RYR2: variants seen among roughly 807,000 people sequenced by gnomAD.
The protein encoded by RYR2 is cardiac muscle ryanodine receptor-calcium release channel.
A neutral mutation model predicts 601.1 loss-of-function variants in RYR2; 227 were observed. That is an observed-to-expected ratio of 0.38 (90% CI 0.34 to 0.42). The LOEUF is 0.42. RYR2 is among the 10% of genes least tolerant of loss of function. The probability of loss-of-function intolerance (pLI) is 1.00; values close to 1 mark genes in which losing one functional copy is unlikely to be tolerated. For missense variants in RYR2, 4,646 were observed against 6,156.5 expected (o/e 0.75, Z 8.21); for synonymous variants, 2,223 against 2,175.1 (o/e 1.02, Z -0.61).
intron 101 of RYR2, 136 bp from the exon 102 acceptor site, chr1:237,828,245 T>A: frequency 1.7e-6 from 1 of 575,616 alleles, no homozygotes; most frequent in Non-Finnish European, 3.2e-6. Flanking sequence ...GAGTATCGGA[T>A]ATGTAGTCAC....
At chr1:237,235,332 C>A (rs139687804) in intron 1 of RYR2, among the ~76,000 whole-genome samples, 7 of 152,174 alleles carry the variant, frequency 4.6e-5, no homozygotes, top group Non-Finnish European at 5.9e-5. Flanking sequence ...TCTAGCCTCT[C>A]GAGAGCAGCC....
At chr1:237,312,949 G>A (rs917034661) in intron 2 of RYR2, among the ~76,000 whole-genome samples, 3 of 151,964 alleles carry the variant, frequency 2.0e-5, no homozygotes, top group Non-Finnish European at 2.9e-5. Context: ...AAAACACCAA[G>A]ATAGACTGAA....
At chr1:237,578,701 TGCAGTTTTGA>T (rs1673545666) in intron 29 of RYR2, among the ~76,000 whole-genome samples, 1 of 77,104 alleles carries the variant, frequency 1.3e-5, no homozygotes, top group African/African-American at 5.2e-5. Context: ...TCACCCATTC[TGCAGTTTTGA>T]TAAGGTGGTG....
intron 80 of RYR2, 92 bp downstream of exon 80, chr1:237,742,441 C>G: frequency 1.1e-6 from 1 of 891,708 alleles, no homozygotes; most frequent in Non-Finnish European, 1.8e-6. Context: ...TGCTTCATGG[C>G]TTATTGCAGC....
chr1:237,262,244 A>ATTTTTTTTT (rs1688596732), intron 1 of RYR2, among the ~76,000 whole-genome samples: 5 of 35,516 alleles, frequency 1.4e-4, no homozygotes, highest in Non-Finnish European at 2.3e-4. Flanking sequence ...TGTTCTAAAG[A>ATTTTTTTTT]GTTTTTTTTT....
In RYR2 at chr1:237,778,765, T is replaced by C; in HGVS notation, c.11875T>C (p.Ser3959Pro). 1 of 1,581,546 alleles carries C rather than the reference T, an allele frequency of 6.3e-7. No homozygotes were observed. The highest frequency in any genetic ancestry group is 1.3e-5 in the African/African-American group (1 of 74,396). Residue 3959 changes from serine to proline, a missense_variant, in exon 88 of 105, where the codon TCG becomes CCG. By Grantham distance (74) the Ser-to-Pro change is moderately conservative. Around this residue, in one of 17 missense-constraint regions of RYR2, gnomAD observed 90 missense variants for 213.3 expected, o/e 0.42. Transcript: ENST00000366574. ...GTTTGCCCATATGCAGATGAAGCTGTCGCAGGTAAACTAACTAACTGCCTT... is the reference window on the plus strand; with the variant it reads ...GTTTGCCCATATGCAGATGAAGCTGCCGCAGGTAAACTAACTAACTGCCTT... ...HVFAHMQMKL[S>P]QDSSQIELLK... is the part of the protein sequence containing the mutation.
intron 1 of RYR2, among the ~76,000 whole-genome samples, chr1:237,155,790 C>T (rs1307559255): frequency 1.3e-5 from 2 of 152,066 alleles, no homozygotes; most frequent in African/African-American, 4.8e-5. Context: ...AAGTTGAATT[C>T]AGAATCTCTT....
In RYR2 at chr1:237,620,135, A is replaced by T. The variant is rs78769466; in HGVS notation, c.5916+2649A>T. Among the ~76,000 whole-genome samples, 83 of 152,296 alleles carry T rather than the reference A, an allele frequency of 5.4e-4. No homozygotes were observed. In the East Asian group the frequency reaches 0.012, roughly 22 times the overall value. On this transcript the variant is annotated intron_variant, in intron 38 of 104. Coordinates refer to ENST00000366574, the MANE Select transcript of RYR2 (RefSeq NM_001035.3). ...AATCATAAAACTGATGTGTTTCTAA[A>T]TATATGTATAGGGAATATTTAAAAA... is the stretch of plus-strand genomic sequence containing the variant.
Position 237,784,339 on chromosome 1 carries a change from G to C in RYR2, c.12627G>C (p.Ser4209=), listed in dbSNP as rs3753631. 6.2e-7 allele frequency: 1 copy of C among 1,613,876 alleles called. No homozygotes were observed. ...AGCTGGCGGCTCAGATCTCGGAGTC[G>C]GACTTGAACGAGAGGTCAGCGAATA... ...EMQLAAQISE[S]DLNERSANKE... The change falls in exon 90 of 105, where the codon TCG becomes TCC. Residue 4209 remains serine (S), a synonymous_variant. Coordinates refer to ENST00000366574, the MANE Select transcript of RYR2 (RefSeq NM_001035.3). The surrounding 1 kb of genome is among the most constrained non-coding windows in gnomAD (Gnocchi z 7.1).
intron 1 of RYR2, among the ~76,000 whole-genome samples, chr1:237,156,748 C>T (rs1053991765): frequency 2.0e-5 from 3 of 152,164 alleles, no homozygotes; most frequent in Non-Finnish European, 4.4e-5. Flanking sequence ...TCACAGAGAT[C>T]AAGGGTTCAA....
chr1:237,177,580 C>T (rs940942354), intron 1 of RYR2, among the ~76,000 whole-genome samples: 5 of 152,200 alleles, frequency 3.3e-5, no homozygotes, highest in Non-Finnish European at 1.5e-5. Flanking sequence ...GCTATTTTCA[C>T]TTAGCATTAC....
chr1:237,267,637 TG>T, intron 1 of RYR2: 1 of 289,486 alleles, frequency 3.5e-6, no homozygotes, highest in Non-Finnish European at 7.3e-6. Flanking sequence ...CTCTCAAGTG[TG>T]GCTCATATTG....
At chr1:237,452,365 CATTAT>C (rs1266713789) in intron 14 of RYR2, among the ~76,000 whole-genome samples, 5 of 144,200 alleles carry the variant, frequency 3.5e-5, no homozygotes, top group Non-Finnish European at 7.5e-5. Context: ...GTATATATTA[CATTAT>C]ATATGTAAAG....
chr1:237,742,251 C>A, intron 79 of RYR2, 45 bp from the exon 80 acceptor site: 1 of 1,310,760 alleles, frequency 7.6e-7, no homozygotes, highest in Non-Finnish European at 1.1e-6. Context: ...TTTCTAAAAT[C>A]TCAACATATT....
chr1:237,524,569 G>C (rs1193614124), intron 24 of RYR2, among the ~76,000 whole-genome samples: 1 of 152,116 alleles, frequency 6.6e-6, no homozygotes, highest in Non-Finnish European at 1.5e-5. Flanking sequence ...TTGCTATTCT[G>C]CAGAATAACC....
In RYR2 at chr1:237,723,257, G is replaced by T; in HGVS notation, c.10684G>T (p.Glu3562Ter). ...LDIANVLFHL[E>*]QKSKRVGRRH... is the part of the protein sequence containing the mutation. ...TATAGCAAATGTGCTTTTTCATCTT[G>T]AACAGGTCAGGCTTTGTGTCAATTC... The change falls in exon 74 of 105, where the codon GAA becomes TAA. Residue 3562 changes from glutamate (E) to a stop codon, truncating the protein, a stop_gained. Transcript: ENST00000366574. LOFTEE classifies it high-confidence loss of function. 1 of 1,611,130 alleles carries T rather than the reference G, an allele frequency of 6.2e-7. No individual in the cohort carries two copies. Among genetic ancestry groups the T allele is most frequent in the Non-Finnish European group, 8.5e-7 (1 of 1,178,106 alleles).
chr1:237,687,340 G>A (rs1686488353), intron 62 of RYR2, 115 bp from the exon 63 acceptor site: 2 of 658,816 alleles, frequency 3.0e-6, no homozygotes, highest in Non-Finnish European at 2.6e-6. Context: ...TCATATATCA[G>A]CTGTTTTTTT....
At chr1:237,263,335 T>G (rs536726886) in intron 1 of RYR2, among the ~76,000 whole-genome samples, 1 of 152,212 alleles carries the variant, frequency 6.6e-6, no homozygotes, top group Non-Finnish European at 1.5e-5. Context: ...CTTATTGAGT[T>G]CATAACATTT....
chr1:237,473,474 T>TTTCTTTCTTTCTTTCTTTC (rs1553464743), intron 17 of RYR2, among the ~76,000 whole-genome samples: 6 of 150,504 alleles, frequency 4.0e-5, no homozygotes, highest in Admixed American at 2.0e-4. Context: ...TCTATCTATC[T>TTTCTTTCTTTCTTTCTTTC]ATCTGGCATA....
Sources: allele counts gnomAD v4.1 joint callset (sites outside exome capture counted in the v4.1 genomes callset), GRCh38; gene constraint gnomAD v4.1.1; regional missense constraint gnomAD v4.1.1; non-coding constraint Gnocchi (gnomAD v3.1); transcripts MANE v1.5; gene names NCBI Gene and HGNC (gene_info 2026-07-23, HGNC 2026-07-21).